Variants in SOX5 observed in about 807,000 individuals in gnomAD.
SOX5 encodes SRY-box transcription factor 5.
In SOX5, 9 loss-of-function variants were observed where a neutral mutation model predicts 92.0. That is an observed-to-expected ratio of 0.10 (90% confidence interval 0.06 to 0.17). The LOEUF (loss-of-function observed/expected upper bound fraction) is 0.17. Ranked by LOEUF, SOX5 falls within the 10% of genes least tolerant of loss-of-function variation. SOX5 has a pLI of 1.00. For missense variants in SOX5, 642 were observed against 944.5 expected (o/e 0.68, Z 4.20); for synonymous variants, 344 against 336.3 (o/e 1.02, Z -0.25).
At chr12:24,339,190 C>CAA (rs1301009333) in intron 2 of SOX5, among the ~76,000 whole-genome samples, 1 of 151,650 alleles carries the variant, frequency 6.6e-6, no homozygotes, top group African/African-American at 2.4e-5. Flanking sequence ...CACACACACA[C>CAA]ACACACACAC....
intron 4 of SOX5, among the ~76,000 whole-genome samples, chr12:23,960,469 T>C (rs1213310277): frequency 7.4e-6 from 1 of 135,588 alleles, no homozygotes; most frequent in African/African-American, 2.9e-5. Flanking sequence ...CCATGTTTTA[T>C]ATATATATGT....
chr12:24,063,199 C>A (rs1053319641), intron 4 of SOX5, among the ~76,000 whole-genome samples: 1 of 152,064 alleles, frequency 6.6e-6, no homozygotes, highest in African/African-American at 2.4e-5. Flanking sequence ...TAGAATAGAC[C>A]CTTATTCACA....
At chr12:24,321,132 T>G (rs976582846) in intron 2 of SOX5, among the ~76,000 whole-genome samples, 2 of 152,198 alleles carry the variant, frequency 1.3e-5, no homozygotes, top group African/African-American at 4.8e-5. Flanking sequence ...TGCTGTAGTC[T>G]GGATTATCAG....
intron 10 of SOX5, among the ~76,000 whole-genome samples, chr12:23,572,097 C>A (rs1415442976): frequency 6.6e-6 from 1 of 152,066 alleles, no homozygotes; most frequent in Non-Finnish European, 1.5e-5. Context: ...ATTTGCGTAC[C>A]ATATCAAAAG....
intron 2 of SOX5, among the ~76,000 whole-genome samples, chr12:24,320,886 T>C (rs1488418519): frequency 6.7e-6 from 1 of 150,330 alleles, no homozygotes; most frequent in Admixed American, 6.6e-5. Context: ...ATAATAATAA[T>C]AATAATAATA....
rs571671543 is a variant in SOX5 at position 23,852,663 on chromosome 12, T to TA, written c.271-6471dup. On this transcript the variant is annotated intron_variant, in intron 2 of 14. Coordinates refer to ENST00000451604, the MANE Select transcript of SOX5 (RefSeq NM_006940.6). ...AATAAATATTTAAAAGTGTGTTCTT[T>TA]AAAAAATGCATTCAAATGGTACTAA... Among the ~76,000 whole-genome samples the TA allele has an allele frequency of 4.2e-3, 637 of 152,280 alleles. 2 individuals carry two copies. The highest frequency in any genetic ancestry group is 6.8e-3 in the Middle Eastern group (2 of 294).
chr12:24,541,728 C>T (rs1952145581), intron 1 of SOX5, among the ~76,000 whole-genome samples: 1 of 152,050 alleles, frequency 6.6e-6, no homozygotes, highest in African/African-American at 2.4e-5. Context: ...CTTTTTTCCC[C>T]TATTGTTTTG....
At position 23,930,348 on chromosome 12, in the gene SOX5, T is replaced by C. The variant is rs1380664882; in HGVS notation, c.38+19216A>G. On this transcript the variant is annotated intron_variant, in intron 1 of 14. Coordinates refer to ENST00000451604, the MANE Select transcript of SOX5 (RefSeq NM_006940.6). ...TTTATTAATACACCAAGAAAAAATA[T>C]AAATATGCTCAGTTTGATATTCAGA... Among the ~76,000 whole-genome samples the C allele has an allele frequency of 1.3e-5, 2 of 151,842 alleles. 1 individual carries two copies. Among genetic ancestry groups the C allele is most frequent in the South Asian group, 4.1e-4 (2 of 4,832 alleles).
At chr12:23,811,322 A>G (rs2095871985) in intron 3 of SOX5, among the ~76,000 whole-genome samples, 1 of 152,168 alleles carries the variant, frequency 6.6e-6, no homozygotes, top group Non-Finnish European at 1.5e-5. Context: ...GATTGCACTC[A>G]TATTGTTTGC....
chr12:24,534,260 CT>C (rs1198725947), intron 1 of SOX5, among the ~76,000 whole-genome samples: 3,360 of 143,588 alleles, frequency 0.023, 85 homozygotes, highest in African/African-American at 0.063. Context: ...CTTTTCTTTG[CT>C]TTTTTTTTTT....
chr12:23,558,801 C>G (rs970381920), intron 11 of SOX5, among the ~76,000 whole-genome samples: 1 of 152,150 alleles, frequency 6.6e-6, no homozygotes, highest in Non-Finnish European at 1.5e-5. Context: ...CGGGGTTTCT[C>G]CGTATTGGTC....
At chr12:23,836,584 G>A (rs2096417396) in intron 3 of SOX5, among the ~76,000 whole-genome samples, 2 of 152,048 alleles carry the variant, frequency 1.3e-5, no homozygotes, top group East Asian at 1.9e-4. Context: ...TTTGTATGGT[G>A]CACTATTCTT....
Position 24,240,425 on chromosome 12 carries a change from G to A in SOX5, c.-76-27008C>T, listed in dbSNP as rs113858873. Among the ~76,000 whole-genome samples the A allele has an allele frequency of 6.4e-3, 977 of 152,160 alleles. 12 individuals carry two copies. Among genetic ancestry groups the A allele is most frequent in the African/African-American group, 0.021 (857 of 41,504 alleles). On this transcript the variant is annotated intron_variant, in intron 3 of 4. Coordinates refer to the SOX5 transcript ENST00000446891. Reference sequence around the variant, plus strand: ...TTCCCAAAACAACAACTACTTTTCCGTACAAAGATGCAATTTATGGCAATT... The same window carrying A: ...TTCCCAAAACAACAACTACTTTTCCATACAAAGATGCAATTTATGGCAATT...
At chr12:24,404,238 G>A (rs527265596) in intron 1 of SOX5, among the ~76,000 whole-genome samples, 2 of 151,844 alleles carry the variant, frequency 1.3e-5, no homozygotes, top group Admixed American at 6.6e-5. Context: ...TATGCCCTAC[G>A]TGAAGCCGAC....
At chr12:24,399,564 G>T (rs1463903505) in intron 1 of SOX5, among the ~76,000 whole-genome samples, 1 of 152,162 alleles carries the variant, frequency 6.6e-6, no homozygotes, top group African/African-American at 2.4e-5. Context: ...CATGTCTAAA[G>T]TATAATGAAA....
intron 4 of SOX5, among the ~76,000 whole-genome samples, chr12:24,030,159 C>A (rs545183587): frequency 3.3e-5 from 5 of 151,862 alleles, no homozygotes; most frequent in Non-Finnish European, 5.9e-5. Flanking sequence ...TATATTATGC[C>A]AACTTTGTAA....
intron 1 of SOX5, among the ~76,000 whole-genome samples, chr12:24,409,190 C>A (rs1596365582): frequency 6.6e-6 from 1 of 152,278 alleles, no homozygotes; most frequent in Admixed American, 6.5e-5. Context: ...ATGGATGAAG[C>A]TGAAAGCCAT....
chr12:23,551,674 T>C (rs2136162411), intron 11 of SOX5, among the ~76,000 whole-genome samples: 1 of 152,040 alleles, frequency 6.6e-6, no homozygotes, highest in South Asian at 2.1e-4. Flanking sequence ...AAAATTTTTC[T>C]ATTCATTTTC....
At chr12:24,232,812 T>C (rs900376411) in intron 3 of SOX5, among the ~76,000 whole-genome samples, 14 of 152,294 alleles carry the variant, frequency 9.2e-5, no homozygotes, top group East Asian at 3.9e-4. Context: ...TATTTTCCAC[T>C]ATTGAGAAAT....
Sources: gnomAD v4.1 joint callset for allele counts (sites outside exome capture counted in the v4.1 genomes callset) on GRCh38, gnomAD v4.1.1 for gene constraint, MANE v1.5 for transcripts, NCBI Gene and HGNC (gene_info 2026-07-23, HGNC 2026-07-21) for gene names.